CACNA2D2: variants seen among roughly 807,000 people sequenced by gnomAD.
The protein encoded by CACNA2D2 is voltage-dependent calcium channel subunit alpha-2/delta-2.
Under a neutral mutation model 166.4 loss-of-function variants are expected in CACNA2D2, and 48 were observed. The ratio of observed to expected loss-of-function variants is 0.29; its 90% CI spans 0.23 to 0.37. The LOEUF is 0.37. Ranked by LOEUF, CACNA2D2 falls within the 10% of genes least tolerant of loss-of-function variation. CACNA2D2 has a pLI of 1.00. For missense variants in CACNA2D2, 1,122 were observed against 1,433.0 expected (o/e 0.78, Z 3.50); for synonymous variants, 561 against 573.7 (o/e 0.98, Z 0.32).
chr3:50,422,197 A>T (rs1264299224), intron 3 of CACNA2D2, among the ~76,000 whole-genome samples: 1 of 152,000 alleles, frequency 6.6e-6, no homozygotes, highest in East Asian at 1.9e-4. Context: ...CTCCCCTGAC[A>T]ACTACAAAGG....
rs186468159 is a variant in CACNA2D2, at chr3:50,364,783, G to A, written c.3315C>T (p.Arg1105=). The part of the protein sequence containing the change: ...NATEDTSDCG[R]GASFPPSLGV... ...CCAGCGACGGCGGGAAGGAGGCCCC[G>A]CGGCCACAGTCTGAGGTATCTTCCT... The change falls in exon 38 of 38, where the codon CGC becomes CGT. Residue 1105 remains arginine (R), a synonymous_variant. Coordinates refer to ENST00000424201, the MANE Select transcript of CACNA2D2 (RefSeq NM_006030.4). 161 of 1,600,886 alleles carry A rather than the reference G, an allele frequency of 1.0e-4. No individual in the cohort carries two copies. The highest frequency in any genetic ancestry group is 3.5e-4 in the South Asian group (31 of 89,656).
rs1333930695 is a variant in CACNA2D2 at position 50,364,772 on chromosome 3, A to C, written c.3326T>G (p.Phe1109Cys). The C allele has an allele frequency of 1.9e-6, 3 of 1,591,248 alleles. No individual in the cohort carries two copies. The highest frequency in any genetic ancestry group is 1.3e-5 in the African/African-American group (1 of 74,248). Residue 1109 changes from phenylalanine to cysteine, a missense_variant, in exon 38 of 38, where the codon TTC (phenylalanine) becomes TGC (cysteine). Physicochemically the swap from Phe to Cys is radical, Grantham distance 205 (BLOSUM62 -2). Transcript: ENST00000424201. ...GACCAGGACGCCCAGCGACGGCGGG[A>C]AGGAGGCCCCGCGGCCACAGTCTGA... ...DTSDCGRGASFPPSLGVLVSL... is the reference protein window; with the variant it reads ...DTSDCGRGASCPPSLGVLVSL...
In CACNA2D2 at chr3:50,379,066, T is replaced by A; in HGVS notation, c.1260+26A>T. 4 of 1,612,852 alleles carry A rather than the reference T, an allele frequency of 2.5e-6. 1 individual carries two copies. The South Asian group carries it at 4.4e-5, about 18-fold the overall frequency. On this transcript the variant is annotated intron_variant, in intron 12 of 37. Coordinates refer to ENST00000424201, the MANE Select transcript of CACNA2D2 (RefSeq NM_006030.4). This position sits in a 1 kb window ranked among gnomAD's most constrained non-coding sequence, Gnocchi z 6.5. Reference sequence around the variant, plus strand: ...CTTCTGTACTGGGCCCAGGTCAGGGTAGCCCCTGCCTCGGTTGAGCCTCAC... The same window carrying A: ...CTTCTGTACTGGGCCCAGGTCAGGGAAGCCCCTGCCTCGGTTGAGCCTCAC...
intron 1 of CACNA2D2, among the ~76,000 whole-genome samples, chr3:50,497,984 A>G (rs1332931169): frequency 6.6e-6 from 1 of 152,212 alleles, no homozygotes; most frequent in African/African-American, 2.4e-5. Flanking sequence ...GGAGGGCTGT[A>G]GCCAGCAATG....
At chr3:50,434,183 G>A in intron 3 of CACNA2D2, 130 bp downstream of exon 3, 2 of 694,782 alleles carry the variant, frequency 2.9e-6, no homozygotes, top group Non-Finnish European at 5.2e-6. Flanking sequence ...GCACAGCCCT[G>A]CTGATGTTGG....
intron 3 of CACNA2D2, among the ~76,000 whole-genome samples, chr3:50,408,808 G>A (rs1272821099): frequency 1.3e-5 from 2 of 152,232 alleles, no homozygotes; most frequent in African/African-American, 4.8e-5. Flanking sequence ...GCCCACCTGG[G>A]CCTCACAGAT....
At chr3:50,437,968 T>G (rs964238960) in intron 2 of CACNA2D2, among the ~76,000 whole-genome samples, 3 of 152,190 alleles carry the variant, frequency 2.0e-5, no homozygotes, top group African/African-American at 7.2e-5. Context: ...CCACCTCTGC[T>G]GGACTAAGGA....
In CACNA2D2 at chr3:50,367,374, C is replaced by T. The variant is rs1368284182; in HGVS notation, c.2401+20G>A. The T allele has an allele frequency of 6.2e-7, 1 of 1,605,818 alleles. No homozygotes were observed. Among genetic ancestry groups the T allele is most frequent in the Non-Finnish European group, 8.5e-7 (1 of 1,173,046 alleles). On this transcript the variant is annotated intron_variant, in intron 27 of 37. Transcript: ENST00000424201. This position sits in a 1 kb window ranked among gnomAD's most constrained non-coding sequence, Gnocchi z 6.5. ...CTGAGGCTCCCTGCCTGCTGCTGGG[C>T]ACACTGCGGGGACACTCACCATCCT...
chr3:50,462,415 A>AATAATAATAATAATG (rs1424962520), intron 2 of CACNA2D2, among the ~76,000 whole-genome samples: 26 of 147,128 alleles, frequency 1.8e-4, no homozygotes, highest in Non-Finnish European at 3.0e-4. Flanking sequence ...TAATAATAAT[A>AATAATAATAATAATG]ATAATAATAA....
chr3:50,365,590 TG>T lies in CACNA2D2; in HGVS notation c.2971+42del. The T allele has an allele frequency of 7.0e-6, 11 of 1,575,384 alleles. No individual in the cohort carries two copies. Among genetic ancestry groups the T allele is most frequent in the Non-Finnish European group, 9.5e-6 (11 of 1,160,122 alleles). ...CCCATGGAGTCGTCTTAGCTCAGAT[TG>T]GGGACCCGGACTTGAGGAGGCGCCT... On this transcript the variant is annotated intron_variant, in intron 34 of 37. Transcript: ENST00000424201. This position sits in a 1 kb window ranked among gnomAD's most constrained non-coding sequence, Gnocchi z 4.5.
Position 50,367,378 on chromosome 3 carries a change from C to G in CACNA2D2, c.2401+16G>C. 6.2e-7 allele frequency: 1 copy of G among 1,609,592 alleles called. No individual in the cohort carries two copies. The highest frequency in any genetic ancestry group is 8.5e-7 in the Non-Finnish European group (1 of 1,176,464). ...GGCTCCCTGCCTGCTGCTGGGCACACTGCGGGGACACTCACCATCCTGGTG... is the reference window on the plus strand; with the variant it reads ...GGCTCCCTGCCTGCTGCTGGGCACAGTGCGGGGACACTCACCATCCTGGTG... On this transcript the variant is annotated intron_variant, in intron 27 of 37. Transcript: ENST00000424201. This position sits in a 1 kb window ranked among gnomAD's most constrained non-coding sequence, Gnocchi z 6.5.
chr3:50,436,731 C>T (rs1418691394), intron 2 of CACNA2D2, among the ~76,000 whole-genome samples: 1 of 152,208 alleles, frequency 6.6e-6, no homozygotes, highest in Non-Finnish European at 1.5e-5. Flanking sequence ...GAATCATAGT[C>T]CCTCCCTGCC....
intron 23 of CACNA2D2, among the ~76,000 whole-genome samples, chr3:50,369,828 C>T (rs1704558211): frequency 6.6e-6 from 1 of 151,072 alleles, no homozygotes; most frequent in African/African-American, 2.5e-5. Flanking sequence ...CTCCCCCAAC[C>T]CCCCAAGTGA....
chr3:50,474,877 G>A (rs1328677876), intron 2 of CACNA2D2, among the ~76,000 whole-genome samples: 1 of 152,132 alleles, frequency 6.6e-6, no homozygotes, highest in South Asian at 2.1e-4. Context: ...CTCCAAGTGC[G>A]GCTGAGTCAT....
chr3:50,481,786 A>G (rs1395789834), intron 1 of CACNA2D2, among the ~76,000 whole-genome samples: 1 of 152,142 alleles, frequency 6.6e-6, no homozygotes, highest in Middle Eastern at 3.2e-3. Flanking sequence ...GCTTGAGCCC[A>G]GAAATTTGAG....
rs774778912 is a variant in CACNA2D2, at chr3:50,367,899, T to C, written c.2147A>G (p.Asn716Ser). ...GATCAGGTTGTGCAGAAGGAAGTTG[T>C]TGCCTGGAACAGGAGGGGAGGGGTG... ...EKVTPDSKQC[N>S]NFLLHNLILD... Residue 716 changes from asparagine to serine, a missense_variant, in exon 25 of 38, where the codon AAC (asparagine) becomes AGC (serine). Asn to Ser is a conservative substitution (Grantham distance 46, BLOSUM62 1). Coordinates refer to ENST00000424201, the MANE Select transcript of CACNA2D2 (RefSeq NM_006030.4). This position sits in a 1 kb window ranked among gnomAD's most constrained non-coding sequence, Gnocchi z 6.5. 5.5e-5 allele frequency: 76 copies of C among 1,374,014 alleles called. No homozygotes were observed. The highest frequency in any genetic ancestry group is 7.3e-5 in the Non-Finnish European group (74 of 1,010,434). The allele number at this position is 1,374,014 out of a possible 1,614,324, so 85.1% of individuals were successfully genotyped here. A position where few individuals can be genotyped will look rare whatever the true frequency, so the allele number is the denominator to read the frequency against.
chr3:50,373,600 G>C (rs1408140955), intron 22 of CACNA2D2, among the ~76,000 whole-genome samples: 2 of 114,360 alleles, frequency 1.7e-5, no homozygotes, highest in African/African-American at 3.7e-5. Flanking sequence ...CGGAGGGAGT[G>C]TGGGGAGTGG....
intron 2 of CACNA2D2, among the ~76,000 whole-genome samples, chr3:50,462,521 G>A (rs1044053773): frequency 2.0e-5 from 3 of 152,040 alleles, no homozygotes; most frequent in African/African-American, 7.2e-5. Flanking sequence ...TCCGCAAGGC[G>A]CAGTTCTGAA....
chr3:50,389,023 G>C (rs1385870772), intron 4 of CACNA2D2, among the ~76,000 whole-genome samples: 8 of 152,224 alleles, frequency 5.3e-5, no homozygotes, highest in African/African-American at 1.7e-4. Context: ...GACCCCATCG[G>C]TCAGACGTTT....
Sources: allele counts gnomAD v4.1 joint callset (sites outside exome capture counted in the v4.1 genomes callset), GRCh38; gene constraint gnomAD v4.1.1; non-coding constraint Gnocchi (gnomAD v3.1); transcripts MANE v1.5; gene names NCBI Gene and HGNC (gene_info 2026-07-23, HGNC 2026-07-21).